FMN2: variants seen among roughly 807,000 people sequenced by gnomAD.
FMN2 encodes formin-2.
FMN2 carries 51 observed loss-of-function variants against 142.3 expected under a neutral mutation model. The ratio of observed to expected loss-of-function variants is 0.36; its 90% CI spans 0.29 to 0.45. The LOEUF (loss-of-function observed/expected upper bound fraction) is 0.45. FMN2 is among the 20% of genes least tolerant of loss of function. FMN2 has a pLI of 1.00. For synonymous variants in FMN2, 882 were observed against 869.8 expected, an observed-to-expected ratio of 1.01 and a Z score of -0.25; for missense variants, 1,936 against 2,122.8, an observed-to-expected ratio of 0.91 and a Z score of 1.73.
At chr1:240,260,643 C>A (rs1339825679) in intron 7 of FMN2, among the ~76,000 whole-genome samples, 1 of 152,118 alleles carries the variant, frequency 6.6e-6, no homozygotes, top group African/African-American at 2.4e-5. Context: ...CTTGTAGATT[C>A]TGGATATTGG....
chr1:240,137,810 G>A (rs1246468796), intron 2 of FMN2, among the ~76,000 whole-genome samples: 1 of 152,056 alleles, frequency 6.6e-6, no homozygotes, highest in African/African-American at 2.4e-5. Context: ...ATGGTACTGT[G>A]GCCAGGGGCG....
chr1:240,175,808 T>C (rs113389554), intron 2 of FMN2, among the ~76,000 whole-genome samples: 3 of 152,316 alleles, frequency 2.0e-5, no homozygotes, highest in African/African-American at 7.2e-5. Context: ...ATTAGTGATA[T>C]TGAGCATCTT....
intron 13 of FMN2, among the ~76,000 whole-genome samples, chr1:240,334,972 G>C (rs1415397646): frequency 6.6e-6 from 1 of 152,082 alleles, no homozygotes; most frequent in African/African-American, 2.4e-5. Flanking sequence ...AGAAGAAAAG[G>C]CCTGGTTACC....
chr1:240,294,756 T>G, intron 7 of FMN2, 66 bp from the exon 8 acceptor site: 3 of 1,469,010 alleles, frequency 2.0e-6, no homozygotes, highest in Non-Finnish European at 2.9e-6. Context: ...GCCTGCTGCC[T>G]GAGATGGTCA....
chr1:240,287,998 AAGTT>A (rs1334258598), intron 7 of FMN2, among the ~76,000 whole-genome samples: 14 of 152,306 alleles, frequency 9.2e-5, no homozygotes, highest in African/African-American at 3.4e-4. Flanking sequence ...AGCTAGAGTG[AAGTT>A]AGTTATTTAT....
rs995103052 is a variant in FMN2, at chr1:240,290,789, T to G, written c.4154-4033T>G. 4.1e-4 allele frequency among the ~76,000 whole-genome samples: 47 copies of G among 114,296 alleles called. 2 individuals carry two copies. Among genetic ancestry groups the G allele is most frequent in the South Asian group, 8.1e-4 (3 of 3,692 alleles). 75.0% of individuals were successfully genotyped at this position (114,296 alleles called of 152,430 possible). On this transcript the variant is annotated intron_variant, in intron 7 of 17. Coordinates refer to ENST00000319653, the MANE Select transcript of FMN2 (RefSeq NM_020066.5). ...GATGTCTGTTTGTTTGGTTTTTTTT[T>G]TTTGTTTTTTTTTTTTTTTGAGACA...
intron 2 of FMN2, among the ~76,000 whole-genome samples, chr1:240,173,689 A>G (rs552766186): frequency 6.6e-6 from 1 of 152,296 alleles, no homozygotes; most frequent in South Asian, 2.1e-4. Flanking sequence ...CGGAGGAACC[A>G]TGGAAGAAAT....
At chr1:240,173,054 G>T (rs984406746) in intron 2 of FMN2, among the ~76,000 whole-genome samples, 1 of 152,006 alleles carries the variant, frequency 6.6e-6, no homozygotes, top group African/African-American at 2.4e-5. Context: ...TCCCGCCTCA[G>T]CTTTCCGAGT....
At chr1:240,195,619 TA>T in intron 4 of FMN2, among the ~76,000 whole-genome samples, 1 of 152,228 alleles carries the variant, frequency 6.6e-6, no homozygotes, top group African/African-American at 2.4e-5. Flanking sequence ...TCTAAACCTG[TA>T]TTTTTTCTAG....
intron 8 of FMN2, among the ~76,000 whole-genome samples, chr1:240,317,732 G>A (rs1393577946): frequency 4.6e-5 from 7 of 152,014 alleles, no homozygotes; most frequent in Admixed American, 3.9e-4. Context: ...TTTGCATGTC[G>A]ACTTAAGTTT....
At chr1:240,146,523 T>G (rs61045650) in intron 2 of FMN2, among the ~76,000 whole-genome samples, 69,725 of 151,106 alleles carry the variant, frequency 0.46, 17,264 homozygotes, top group South Asian at 0.65. Flanking sequence ...GCCAACATGG[T>G]GAAACCCCAT....
chr1:240,338,083 T>G (rs1362319153), intron 13 of FMN2, among the ~76,000 whole-genome samples: 1 of 152,236 alleles, frequency 6.6e-6, no homozygotes, highest in Non-Finnish European at 1.5e-5. Flanking sequence ...CACGGAGCAT[T>G]GAGTAATTAA....
In FMN2 at chr1:240,221,929, G is replaced by C. The variant is rs961413514; in HGVS notation, c.4065+10694G>C. ...GTGGCGCAATCTCAGCTCACTACAA[G>C]CTCTGCCTCCTGGGTTCAAGCAATT... On this transcript the variant is annotated intron_variant, in intron 6 of 17. Coordinates refer to ENST00000319653, the MANE Select transcript of FMN2 (RefSeq NM_020066.5). Among the ~76,000 whole-genome samples, 175 of 146,970 alleles carry C rather than the reference G, an allele frequency of 1.2e-3. 13 individuals are homozygous for C. Among genetic ancestry groups the C allele is most frequent in the Non-Finnish European group, 2.4e-4 (16 of 67,162 alleles).
At chr1:240,429,039 A>G (rs1675050872) in intron 15 of FMN2, among the ~76,000 whole-genome samples, 1 of 152,024 alleles carries the variant, frequency 6.6e-6, no homozygotes, top group African/African-American at 2.4e-5. Flanking sequence ...TTCTGTTTTC[A>G]TTAAGACATT....
rs1427191661 is a variant in FMN2 at position 240,208,556 on chromosome 1, A to G, written c.3744A>G (p.Gln1248=). Residue 1248 remains glutamine (Q), a synonymous_variant, in exon 5 of 18, where the codon CAA becomes CAG. Transcript: ENST00000319653. The part of the protein sequence containing the change: ...LPVSGPPLLP[Q]VGSSTLPTPQ... ...TATCAGGCCCTCCACTCCTCCCACA[A>G]GTTGGGAGTAGCACTTTACCAACCC... 1.2e-6 allele frequency: 2 copies of G among 1,613,222 alleles called. No individual in the cohort carries two copies. Among genetic ancestry groups the G allele is most frequent in the Non-Finnish European group, 1.7e-6 (2 of 1,179,878 alleles).
intron 2 of FMN2, chr1:240,154,908 A>C (rs1190068975): frequency 8.2e-6 from 1 of 122,646 alleles, no homozygotes; most frequent in Non-Finnish European, 1.6e-5. Flanking sequence ...TTTCTTTTCA[A>C]CAGGGCCTTG....
chr1:240,454,567 C>T (rs1676176091), intron 16 of FMN2, among the ~76,000 whole-genome samples: 1 of 152,138 alleles, frequency 6.6e-6, no homozygotes, highest in Non-Finnish European at 1.5e-5. Context: ...ATATATATGG[C>T]TTCCAATCCT....
At chr1:240,155,563 C>A (rs1663988804) in intron 2 of FMN2, among the ~76,000 whole-genome samples, 1 of 152,128 alleles carries the variant, frequency 6.6e-6, no homozygotes, top group Admixed American at 6.5e-5. Context: ...TTATGTGAGC[C>A]ACTGTGCCTG....
intron 2 of FMN2, among the ~76,000 whole-genome samples, chr1:240,150,220 A>T (rs961911915): frequency 3.3e-5 from 5 of 152,240 alleles, no homozygotes; most frequent in African/African-American, 1.2e-4. Context: ...AGAAGCTTAC[A>T]TCAAGATACA....
Sources: gnomAD v4.1 joint callset for allele counts (sites outside exome capture counted in the v4.1 genomes callset) on GRCh38, gnomAD v4.1.1 for gene constraint, MANE v1.5 for transcripts, NCBI Gene and HGNC (gene_info 2026-07-23, HGNC 2026-07-21) for gene names.